Variants in DLGAP2 observed in about 807,000 individuals in gnomAD.
DLGAP2 encodes the protein disks large-associated protein 2.
DLGAP2 carries 26 observed loss-of-function variants against 100.3 expected under a neutral mutation model. The ratio of observed to expected loss-of-function variants is 0.26; its 90% CI spans 0.19 to 0.36. DLGAP2 has a LOEUF of 0.36. Among genes scored for constraint, DLGAP2 ranks in the 10% least tolerant of loss-of-function variants. The pLI is 1.00. For synonymous variants in DLGAP2, 886 were observed against 630.1 expected, an observed-to-expected ratio of 1.41 and a Z score of -6.08; for missense variants, 1,858 against 1,453.2, an observed-to-expected ratio of 1.28 and a Z score of -4.53.
At chr8:1,118,903 G>C (rs1165653167) in intron 2 of DLGAP2, among the ~76,000 whole-genome samples, 1 of 152,162 alleles carries the variant, frequency 6.6e-6, no homozygotes, top group East Asian at 1.9e-4. Context: ...TATGGGACTA[G>C]GTGAGTGTTA....
intron 3 of DLGAP2, among the ~76,000 whole-genome samples, chr8:1,436,653 A>G (rs974240837): frequency 6.6e-6 from 1 of 152,094 alleles, no homozygotes; most frequent in African/African-American, 2.4e-5. Context: ...ATGTAGCCCA[A>G]GTTTGCAGTG....
chr8:1,677,577 C>G (rs758342693), intron 11 of DLGAP2, among the ~76,000 whole-genome samples: 2 of 152,206 alleles, frequency 1.3e-5, no homozygotes, highest in Non-Finnish European at 2.9e-5. Context: ...TGCACACACA[C>G]GCTCACAGTG....
chr8:1,447,643 A>G (rs545133424), intron 3 of DLGAP2, among the ~76,000 whole-genome samples: 25 of 152,356 alleles, frequency 1.6e-4, no homozygotes, highest in South Asian at 4.1e-4. Context: ...ATTGATTGGA[A>G]TAGTTTCAGA....
intron 2 of DLGAP2, among the ~76,000 whole-genome samples, chr8:913,799 C>T (rs1798537056): frequency 6.6e-6 from 1 of 152,232 alleles, no homozygotes; most frequent in Admixed American, 6.5e-5. Flanking sequence ...TGAATAAGTC[C>T]TGAATTATCC....
At position 1,465,102 on chromosome 8, in the gene DLGAP2, C is replaced by T. The variant is rs555865696; in HGVS notation, c.107-36264C>T. ...CCCCTAATTCAGCACATTCACCTGGCGGGAACCTCAGGTCCCACAGGGGGA... is the reference window on the plus strand; with the variant it reads ...CCCCTAATTCAGCACATTCACCTGGTGGGAACCTCAGGTCCCACAGGGGGA... On this transcript the variant is annotated intron_variant, in intron 3 of 14. Coordinates refer to ENST00000637795, the MANE Select transcript of DLGAP2 (RefSeq NM_001346810.2). Among the ~76,000 whole-genome samples, 23 of 152,336 alleles carry T rather than the reference C, an allele frequency of 1.5e-4. No individual in the cohort carries two copies. In the South Asian group the frequency reaches 2.3e-3, roughly 15 times the overall value.
At chr8:808,998 C>T (rs1796320342) in intron 1 of DLGAP2, among the ~76,000 whole-genome samples, 1 of 151,340 alleles carries the variant, frequency 6.6e-6, no homozygotes, top group African/African-American at 2.4e-5. Context: ...CCTCCACCTC[C>T]TGAGTTCAAG....
In DLGAP2 at chr8:1,638,679, G is replaced by A. The variant is rs994756283; in HGVS notation, c.1810+5633G>A. ...GCTCCCGGCTGAGCTCTGGGGAGCC[G>A]TGAAGAGGCTTTTAAGAGGCCTCCT... On this transcript the variant is annotated intron_variant, in intron 8 of 14. Transcript: ENST00000637795. 3.3e-4 allele frequency among the ~76,000 whole-genome samples: 50 copies of A among 152,148 alleles called. 1 individual carries two copies. The highest frequency in any genetic ancestry group is 1.0e-3 in the African/African-American group (43 of 41,440).
chr8:1,243,859 C>G (rs1282178499), intron 2 of DLGAP2, among the ~76,000 whole-genome samples: 1 of 152,224 alleles, frequency 6.6e-6, no homozygotes, highest in Non-Finnish European at 1.5e-5. Context: ...CCTGAGTAAC[C>G]TCACTATCCA....
chr8:1,450,004 C>T (rs113428581), intron 3 of DLGAP2, among the ~76,000 whole-genome samples: 2 of 3,752 alleles, frequency 5.3e-4, no homozygotes, highest in East Asian at 0.012. Flanking sequence ...AGGGTGAAGA[C>T]GAGGTGGGCG....
intron 2 of DLGAP2, chr8:1,105,172 C>G (rs1363027460): frequency 6.6e-6 from 1 of 152,228 alleles, no homozygotes; most frequent in Non-Finnish European, 1.5e-5. Context: ...GATGATGTGT[C>G]ATTGATTTAC....
intron 3 of DLGAP2, among the ~76,000 whole-genome samples, chr8:1,489,524 G>A (rs561164640): frequency 6.6e-6 from 1 of 152,340 alleles, no homozygotes; most frequent in African/African-American, 2.4e-5. Flanking sequence ...CAAAAAGGAA[G>A]ACAATTCAGA....
In DLGAP2 at chr8:814,219, C is replaced by G. The variant is rs1323230251; in HGVS notation, c.18+76394C>G. Among the ~76,000 whole-genome samples the G allele has an allele frequency of 1.3e-5, 2 of 152,112 alleles. 1 individual carries two copies. The highest frequency in any genetic ancestry group is 2.9e-5 in the Non-Finnish European group (2 of 68,018). On this transcript the variant is annotated intron_variant, in intron 1 of 14. Transcript: ENST00000637795. ...AAAAGTAGAATAGACATTATAACAC[C>G]TCAGTTTTGGTAACTGAGTTAAGCG...
rs867737069 is a variant in DLGAP2, at chr8:1,013,724, A to G, written c.73+105758A>G. Among the ~76,000 whole-genome samples the G allele has an allele frequency of 8.7e-3, 280 of 32,288 alleles. 19 individuals are homozygous for G. Among genetic ancestry groups the G allele is most frequent in the African/African-American group, 0.051 (130 of 2,526 alleles). 21.2% of individuals were successfully genotyped at this position (32,288 alleles called of 152,430 possible). ...ATTGTGTGTATGACCAGGACAGACG[A>G]CGCCTCCACTGTGTGTGTGACCAGG... On this transcript the variant is annotated intron_variant, in intron 2 of 14. Transcript: ENST00000637795.
rs138403965 is a variant in DLGAP2, at chr8:1,418,037, G to T, written c.107-83329G>T. Among the ~76,000 whole-genome samples, 1,278 of 152,288 alleles carry T rather than the reference G, an allele frequency of 8.4e-3. 11 individuals carry two copies. Among genetic ancestry groups the T allele is most frequent in the South Asian group, 0.016 (78 of 4,824 alleles). On this transcript the variant is annotated intron_variant, in intron 3 of 14. Transcript: ENST00000637795. ...CAGTCCCGTTCTGGACAGTGGAAGT[G>T]GGGGATTAGATGCCTGCAAGAATAT...
At chr8:1,434,775 G>A (rs1432327771) in intron 3 of DLGAP2, among the ~76,000 whole-genome samples, 6 of 152,160 alleles carry the variant, frequency 3.9e-5, no homozygotes, top group Non-Finnish European at 5.9e-5. Flanking sequence ...GTGCCCGGCC[G>A]TCATTGGCAT....
intron 6 of DLGAP2, among the ~76,000 whole-genome samples, chr8:1,578,001 C>G (rs1803063975): frequency 6.6e-6 from 1 of 152,240 alleles, no homozygotes; most frequent in Non-Finnish European, 1.5e-5. Context: ...CGTAGACACT[C>G]TTATACTAAG....
intron 3 of DLGAP2, among the ~76,000 whole-genome samples, chr8:1,485,607 G>C (rs1276026469): frequency 2.6e-5 from 4 of 152,216 alleles, no homozygotes; most frequent in Non-Finnish European, 5.9e-5. Flanking sequence ...TTCACTGAAG[G>C]AGAACGCTTC....
intron 3 of DLGAP2, among the ~76,000 whole-genome samples, chr8:1,491,050 T>TAAATA (rs1563179999): frequency 3.6e-5 from 3 of 82,782 alleles, no homozygotes; most frequent in East Asian, 7.1e-4. Context: ...AAAAATAAAA[T>TAAATA]AAAATAAATA....
At chr8:1,601,379 G>C (rs2977219) in intron 6 of DLGAP2, among the ~76,000 whole-genome samples, 112,142 of 152,150 alleles carry the variant, frequency 0.74, 41,615 homozygotes, top group East Asian at 0.92. Flanking sequence ...GGCACTCTGT[G>C]CCTTAGCAGA....
Sources: allele counts gnomAD v4.1 joint callset (sites outside exome capture counted in the v4.1 genomes callset), GRCh38; gene constraint gnomAD v4.1.1; transcripts MANE v1.5; gene names NCBI Gene and HGNC (gene_info 2026-07-23, HGNC 2026-07-21).